The following MAOA variants were observed in gnomAD, a reference collection of about 807,000 sequenced individuals.
MAOA encodes the protein monoamine oxidase A.
Under a neutral mutation model 42.0 loss-of-function variants are expected in MAOA, and 6 were observed. The observed-to-expected ratio is 0.14, with a 90% CI of 0.08 to 0.28. The LOEUF is 0.28. Ranked by LOEUF, MAOA falls within the 10% of genes least tolerant of loss-of-function variation. The pLI, the probability that MAOA is intolerant of heterozygous loss-of-function variation, is 1.00. For missense variants in MAOA, 262 were observed against 422.3 expected (o/e 0.62, Z 3.33); for synonymous variants, 140 against 154.0 (o/e 0.91, Z 0.67).
intron 3 of MAOA, among the ~76,000 whole-genome samples, chrX:43,711,165 A>T (rs896804509): frequency 5.4e-5 from 6 of 111,506 alleles, no homozygotes; most frequent in African/African-American, 2.0e-4. Context: ...GATAAAAAAA[A>T]AAAATCTATC....
intron 2 of MAOA, among the ~76,000 whole-genome samples, chrX:43,690,509 TA>T (rs953182222): frequency 1.8e-5 from 2 of 111,832 alleles, no homozygotes; most frequent in African/African-American, 6.5e-5. Context: ...CTTTCTGGAT[TA>T]TTTTTTCTGC....
chrX:43,681,210 T>C (rs1207705300), intron 1 of MAOA, among the ~76,000 whole-genome samples: 1 of 111,622 alleles, frequency 9.0e-6, no homozygotes, highest in African/African-American at 3.3e-5. Context: ...ACACTGTAAG[T>C]GTTGGGAGTG....
At position 43,693,282 on chromosome X, in the gene MAOA, T is replaced by C; in HGVS notation, c.169-9T>C. The C allele has an allele frequency of 8.3e-7, 1 of 1,210,897 alleles. No individual in the cohort carries two copies. ...TAAAGTCCTCTGACCAATTTTTCTC[T>C]TTTTGCAGAATGAGCATGTTGATTA... is the stretch of plus-strand genomic sequence containing the variant. On this transcript the variant is annotated splice_polypyrimidine_tract_variant and intron_variant, in intron 2 of 14. Transcript: ENST00000338702.
chrX:43,731,477 ATAAT>A, intron 7 of MAOA, 87 bp downstream of exon 7: 1 of 1,008,908 alleles, frequency 9.9e-7, no homozygotes, highest in Non-Finnish European at 1.4e-6. Context: ...AAGCAGTAGC[ATAAT>A]TAATGCTGAC....
At chrX:43,729,694 T>A (rs1034004073) in intron 6 of MAOA, among the ~76,000 whole-genome samples, 1 of 111,268 alleles carries the variant, frequency 9.0e-6, no homozygotes, top group East Asian at 2.8e-4. Context: ...CCTAGCCTGG[T>A]CTCCAACTCC....
Position 43,742,842 on chromosome X carries a change from T to C in MAOA, c.1262+795T>C, listed in dbSNP as rs772244591. Among the ~76,000 whole-genome samples the C allele has an allele frequency of 1.2e-4, 13 of 112,124 alleles. No homozygotes were observed. The East Asian group carries it at 3.7e-3, about 32-fold the overall frequency. Reference sequence around the variant, plus strand: ...GCTAGAAAGTTAATACAAGGTCACATTTGTCCACTGAAAAGGAGGAAGTAT... The same window carrying C: ...GCTAGAAAGTTAATACAAGGTCACACTTGTCCACTGAAAAGGAGGAAGTAT... On this transcript the variant is annotated intron_variant, in intron 12 of 14. Transcript: ENST00000338702.
chrX:43,655,175 CAGTA>C (rs2033166995), upstream of MAOA: 1 of 116,424 alleles, frequency 8.6e-6, no homozygotes, highest in African/African-American at 3.2e-5. Flanking sequence ...GCACCGGCAC[CAGTA>C]CCCGCACCAG....
chrX:43,663,814 G>A (rs1480037819), intron 1 of MAOA, among the ~76,000 whole-genome samples: 1 of 112,069 alleles, frequency 8.9e-6, no homozygotes, highest in Non-Finnish European at 1.9e-5. Context: ...ACTTTCATAT[G>A]ACAAATCTAT....
At chrX:43,662,363 AT>A (rs1381971452) in intron 1 of MAOA, among the ~76,000 whole-genome samples, 180 of 105,639 alleles carry the variant, frequency 1.7e-3, no homozygotes, top group South Asian at 1.9e-3. Context: ...TTGTGTTCTG[AT>A]TTTTTTTTTT....
At chrX:43,681,864 C>CTATATA (rs781622470) in intron 1 of MAOA, among the ~76,000 whole-genome samples, 38 of 94,959 alleles carry the variant, frequency 4.0e-4, no homozygotes, top group African/African-American at 1.5e-3. Context: ...CACAATAGCA[C>CTATATA]TATATATATA....
At chrX:43,696,137 G>C (rs910866242) in intron 3 of MAOA, among the ~76,000 whole-genome samples, 1 of 111,665 alleles carries the variant, frequency 9.0e-6, no homozygotes, top group Non-Finnish European at 1.9e-5. Context: ...GTTACATTAG[G>C]TGCCTAAGTA....
At chrX:43,675,158 C>G (rs1211858666) in intron 1 of MAOA, among the ~76,000 whole-genome samples, 2 of 111,377 alleles carry the variant, frequency 1.8e-5, no homozygotes, top group Admixed American at 9.6e-5. Context: ...GCTTTTTTCT[C>G]TAAACTTCCC....
intron 3 of MAOA, among the ~76,000 whole-genome samples, chrX:43,708,658 T>C (rs1422056089): frequency 1.9e-5 from 2 of 103,107 alleles, no homozygotes; most frequent in Non-Finnish European, 3.8e-5. Flanking sequence ...ATGGTCTTCT[T>C]GTTGTTTTTT....
chrX:43,726,488 T>G (rs1444036443), intron 5 of MAOA, among the ~76,000 whole-genome samples: 1 of 112,331 alleles, frequency 8.9e-6, no homozygotes, highest in African/African-American at 3.2e-5. Context: ...TGTGTCTGCT[T>G]CACGAAGTTC....
At chrX:43,659,195 C>CT (rs2033213286) in intron 1 of MAOA, among the ~76,000 whole-genome samples, 1 of 111,796 alleles carries the variant, frequency 8.9e-6, no homozygotes, top group Admixed American at 9.5e-5. Flanking sequence ...GATGTATCTC[C>CT]TTTTTTGTCA....
chrX:43,676,952 T>G (rs1390432151), intron 1 of MAOA, among the ~76,000 whole-genome samples: 1 of 111,192 alleles, frequency 9.0e-6, no homozygotes, highest in African/African-American at 3.3e-5. Context: ...TTATTCAAGT[T>G]AGGAAATGGA....
intron 12 of MAOA, among the ~76,000 whole-genome samples, chrX:43,742,540 A>T (rs1480542463): frequency 1.8e-5 from 2 of 112,691 alleles, no homozygotes; most frequent in Non-Finnish European, 3.8e-5. Context: ...ACCTTGACCT[A>T]GAAGCCCCTT....
At chrX:43,731,133 T>C in intron 6 of MAOA, 108 bp from the exon 7 acceptor site, 1 of 745,047 alleles carries the variant, frequency 1.3e-6, no homozygotes, top group Non-Finnish European at 2.1e-6. Flanking sequence ...GTGCAGACGT[T>C]AGAGGTGTGG....
intron 5 of MAOA, among the ~76,000 whole-genome samples, chrX:43,718,503 G>A (rs1423595382): frequency 2.8e-5 from 3 of 108,161 alleles, no homozygotes; most frequent in Non-Finnish European, 5.8e-5. Flanking sequence ...TTTTAGGGAC[G>A]GTGTGGTATC....
Sources: gnomAD v4.1 joint callset for allele counts (sites outside exome capture counted in the v4.1 genomes callset) on GRCh38, gnomAD v4.1.1 for gene constraint, MANE v1.5 for transcripts, NCBI Gene and HGNC (gene_info 2026-07-23, HGNC 2026-07-21) for gene names.